OSBPL10: variants seen among roughly 807,000 people sequenced by gnomAD.
The protein encoded by OSBPL10 is oxysterol binding protein like 10.
A neutral mutation model predicts 81.7 loss-of-function variants in OSBPL10; 49 were observed. The ratio of observed to expected loss-of-function variants is 0.60; its 90% CI spans 0.48 to 0.76. The LOEUF (loss-of-function observed/expected upper bound fraction) is 0.76, where lower values mean the gene tolerates loss of function less well. Ranked by LOEUF, OSBPL10 falls within the 30% of genes least tolerant of loss-of-function variation. The pLI is 0.00. For synonymous variants in OSBPL10, 419 were observed against 383.6 expected, an observed-to-expected ratio of 1.09 and a Z score of -1.08; for missense variants, 923 against 987.8, an observed-to-expected ratio of 0.93 and a Z score of 0.88.
At chr3:31,985,655 G>A (rs1173286792), upstream of OSBPL10, among the ~76,000 whole-genome samples, 1 of 152,206 alleles carries the variant, frequency 6.6e-6, no homozygotes, top group Non-Finnish European at 1.5e-5. Context: ...TGACAGGAAT[G>A]AAGCTTGGCC....
chr3:31,931,824 C>T (rs1449976859), intron 1 of OSBPL10, among the ~76,000 whole-genome samples: 1 of 152,168 alleles, frequency 6.6e-6, no homozygotes, highest in East Asian at 1.9e-4. Flanking sequence ...TGCCCATAAT[C>T]CTATCACTTT....
intron 1 of OSBPL10, among the ~76,000 whole-genome samples, chr3:31,936,210 TTTC>T: frequency 6.6e-6 from 1 of 152,226 alleles, no homozygotes; most frequent in South Asian, 2.1e-4. Context: ...TCATTTTTGT[TTTC>T]TTTTTATTCT....
In OSBPL10 at chr3:31,965,698, A is replaced by T. The variant is rs868693900; in HGVS notation, c.281+15201T>A. Among the ~76,000 whole-genome samples the T allele has an allele frequency of 5.2e-4, 22 of 42,256 alleles. 2 individuals carry two copies. The highest frequency in any genetic ancestry group is 4.1e-3 in the African/African-American group (18 of 4,442). The allele number at this position is 42,256 out of a possible 152,430, so 27.7% of individuals were successfully genotyped here. A position where few individuals can be genotyped will look rare whatever the true frequency, so the allele number is the denominator to read the frequency against. On this transcript the variant is annotated intron_variant, in intron 1 of 11. Transcript: ENST00000396556. Reference sequence around the variant, plus strand: ...ATAATATATATTATATAAAATATATAATATATTATATAAAATATATAATAT... The same window carrying T: ...ATAATATATATTATATAAAATATATTATATATTATATAAAATATATAATAT...
chr3:32,016,198 A>G (rs558391815), intron 2 of OSBPL10, among the ~76,000 whole-genome samples: 2 of 152,334 alleles, frequency 1.3e-5, no homozygotes, highest in South Asian at 4.1e-4. Flanking sequence ...AACCAAGCCA[A>G]ATGTCCAACA....
intron 1 of OSBPL10, among the ~76,000 whole-genome samples, chr3:32,068,569 AT>A: frequency 6.6e-6 from 1 of 152,080 alleles, no homozygotes; most frequent in South Asian, 2.1e-4. Flanking sequence ...TAAGCATCTT[AT>A]TTTCTTTTGC....
intron 6 of OSBPL10, among the ~76,000 whole-genome samples, chr3:31,732,380 A>G (rs570948867): frequency 3.9e-5 from 6 of 152,354 alleles, no homozygotes; most frequent in African/African-American, 1.4e-4. Context: ...CATTTGATCA[A>G]AGACACTGCC....
intron 5 of OSBPL10, among the ~76,000 whole-genome samples, chr3:31,733,854 C>A (rs1382057813): frequency 1.3e-5 from 2 of 151,576 alleles, no homozygotes; most frequent in Non-Finnish European, 2.9e-5. Context: ...ACTAAAAATA[C>A]AAAAAATTAG....
chr3:31,863,326 G>A (rs1233992328), intron 3 of OSBPL10, among the ~76,000 whole-genome samples: 1 of 152,092 alleles, frequency 6.6e-6, no homozygotes, highest in Admixed American at 6.5e-5. Context: ...GATTTTTTTA[G>A]GAACGATAAA....
At chr3:31,756,575 T>TA (rs1327031711) in intron 4 of OSBPL10, among the ~76,000 whole-genome samples, 2 of 152,244 alleles carry the variant, frequency 1.3e-5, no homozygotes, top group African/African-American at 4.8e-5. Flanking sequence ...TATTTTATCT[T>TA]AAAAACATCA....
intron 4 of OSBPL10, among the ~76,000 whole-genome samples, chr3:31,780,760 A>C (rs1251212722): frequency 6.6e-6 from 1 of 152,184 alleles, no homozygotes; most frequent in Non-Finnish European, 1.5e-5. Flanking sequence ...TTAAATTAGG[A>C]AGAAATAGAA....
At chr3:31,849,252 A>G (rs1700704118) in intron 3 of OSBPL10, among the ~76,000 whole-genome samples, 1 of 152,220 alleles carries the variant, frequency 6.6e-6, no homozygotes. Context: ...CATAGCTAGG[A>G]GCTAAATAAA....
At chr3:31,773,350 G>A (rs952183335) in intron 4 of OSBPL10, among the ~76,000 whole-genome samples, 1 of 152,046 alleles carries the variant, frequency 6.6e-6, no homozygotes, top group Non-Finnish European at 1.5e-5. Context: ...ACTACGCCTG[G>A]GGGACATTTA....
At chr3:31,752,298 A>C (rs969736787) in intron 4 of OSBPL10, among the ~76,000 whole-genome samples, 2 of 152,224 alleles carry the variant, frequency 1.3e-5, no homozygotes, top group African/African-American at 4.8e-5. Context: ...TGATTGTTTA[A>C]AAACAAACAA....
At chr3:31,761,150 T>C (rs1204330888) in intron 4 of OSBPL10, among the ~76,000 whole-genome samples, 1 of 152,198 alleles carries the variant, frequency 6.6e-6, no homozygotes, top group East Asian at 1.9e-4. Context: ...TCATTGTTCA[T>C]GTCCCTGCAT....
intron 4 of OSBPL10, among the ~76,000 whole-genome samples, chr3:31,799,223 C>G (rs1699314450): frequency 6.6e-6 from 1 of 151,554 alleles, no homozygotes. Flanking sequence ...TCAGATATGC[C>G]AAGACCAAAC....
intron 2 of OSBPL10, among the ~76,000 whole-genome samples, chr3:32,037,176 G>A (rs944973602): frequency 6.6e-6 from 1 of 152,230 alleles, no homozygotes; most frequent in Non-Finnish European, 1.5e-5. Flanking sequence ...CCGTGTGACA[G>A]AGAGAACAGG....
chr3:31,989,316 A>G, intron 2 of OSBPL10: 1 of 1,614,238 alleles, frequency 6.2e-7, no homozygotes, highest in Non-Finnish European at 8.5e-7. Flanking sequence ...CAACAGCGCA[A>G]GGCAATACAG....
At chr3:31,735,980 G>C (rs555861688) in intron 5 of OSBPL10, among the ~76,000 whole-genome samples, 25 of 152,232 alleles carry the variant, frequency 1.6e-4, no homozygotes, top group Non-Finnish European at 2.9e-4. Flanking sequence ...TGTACGCTCA[G>C]TATGAATGTG....
At chr3:32,025,009 T>C (rs556659681) in intron 2 of OSBPL10, among the ~76,000 whole-genome samples, 7 of 152,206 alleles carry the variant, frequency 4.6e-5, no homozygotes, top group Non-Finnish European at 4.4e-5. Flanking sequence ...CTCATTATAC[T>C]GGCTAGAACC....
Sources: gnomAD v4.1 joint callset for allele counts (sites outside exome capture counted in the v4.1 genomes callset) on GRCh38, gnomAD v4.1.1 for gene constraint, MANE v1.5 for transcripts, NCBI Gene and HGNC (gene_info 2026-07-23, HGNC 2026-07-21) for gene names.